The following OXR1 variants were observed in gnomAD, a reference collection of about 807,000 sequenced individuals.
The protein encoded by OXR1 is oxidation resistance 1.
In OXR1, 41 loss-of-function variants were observed where a neutral mutation model predicts 104.6. The observed-to-expected ratio is 0.39, with a 90% confidence interval of 0.31 to 0.51. OXR1 has a LOEUF of 0.51. Ranked by LOEUF, OXR1 falls within the 20% of genes least tolerant of loss-of-function variation. OXR1 has a pLI of 0.77. For synonymous variants in OXR1, 348 were observed against 348.4 expected (o/e 1.00, Z 0.01); for missense variants, 955 against 1,031.9 (o/e 0.93, Z 1.02).
intron 2 of OXR1, among the ~76,000 whole-genome samples, chr8:106,414,603 A>G (rs1376005196): frequency 6.6e-6 from 1 of 152,156 alleles, no homozygotes; most frequent in Non-Finnish European, 1.5e-5. Flanking sequence ...TTGGTAAAGC[A>G]TTGCTCATGT....
chr8:106,622,077 G>GAAAT (rs1261875891), intron 3 of OXR1, among the ~76,000 whole-genome samples: 1 of 152,008 alleles, frequency 6.6e-6, no homozygotes, highest in East Asian at 1.9e-4. Flanking sequence ...TCCATTAATG[G>GAAAT]AAGCATCATT....
intron 3 of OXR1, among the ~76,000 whole-genome samples, chr8:106,579,121 G>A (rs575117388): frequency 6.7e-6 from 1 of 149,502 alleles, no homozygotes; most frequent in Non-Finnish European, 1.5e-5. Flanking sequence ...GGACTATTTT[G>A]ATTATACCCT....
At chr8:106,483,424 C>T (rs903220982) in intron 2 of OXR1, among the ~76,000 whole-genome samples, 2 of 151,646 alleles carry the variant, frequency 1.3e-5, no homozygotes, top group Non-Finnish European at 2.9e-5. Flanking sequence ...TAACTGGGCT[C>T]GGTGGCATGT....
intron 2 of OXR1, among the ~76,000 whole-genome samples, chr8:106,493,401 A>G (rs1028664988): frequency 6.6e-6 from 1 of 152,066 alleles, no homozygotes; most frequent in Admixed American, 6.6e-5. Context: ...ACACTTTGTT[A>G]CCACCATAGC....
chr8:106,290,078 T>C (rs1812685859), intron 1 of OXR1, among the ~76,000 whole-genome samples: 1 of 152,170 alleles, frequency 6.6e-6, no homozygotes, highest in Non-Finnish European at 1.5e-5. Flanking sequence ...CAGGTATTTC[T>C]TCATAGCAGT....
intron 7 of OXR1, among the ~76,000 whole-genome samples, chr8:106,699,696 T>A (rs1830416937): frequency 6.6e-6 from 1 of 152,208 alleles, no homozygotes; most frequent in Non-Finnish European, 1.5e-5. Flanking sequence ...TTAGGAATGA[T>A]CTGCAGCCTA....
chr8:106,344,259 A>T (rs948525908), intron 1 of OXR1, among the ~76,000 whole-genome samples: 4 of 152,286 alleles, frequency 2.6e-5, no homozygotes, highest in African/African-American at 9.6e-5. Context: ...CCCACGAACT[A>T]CAGTTTCTCT....
intron 1 of OXR1, among the ~76,000 whole-genome samples, chr8:106,273,741 T>A (rs1811911458): frequency 6.6e-6 from 1 of 152,222 alleles, no homozygotes; most frequent in African/African-American, 2.4e-5. Flanking sequence ...AAACACTTGT[T>A]TTAAGGAAAT....
At chr8:106,646,192 G>A (rs1342107648) in intron 3 of OXR1, among the ~76,000 whole-genome samples, 2 of 150,618 alleles carry the variant, frequency 1.3e-5, no homozygotes, top group Non-Finnish European at 3.0e-5. Context: ...TGCAACCTCC[G>A]CCCCCCAAGT....
At position 106,411,024 on chromosome 8, in the gene OXR1, A is replaced by G. The variant is rs189967033; in HGVS notation, c.23+51388A>G. Among the ~76,000 whole-genome samples the G allele has an allele frequency of 2.0e-5, 3 of 152,236 alleles. No individual in the cohort carries two copies. The East Asian group carries it at 5.8e-4, about 29-fold the overall frequency. ...GTGCTGAGGTTATAACAGCAAATAA[A>G]CCCTGCAGTGTTTTTGCCCTGATGT... On this transcript the variant is annotated intron_variant, in intron 2 of 16. Coordinates refer to ENST00000517566, the MANE Select transcript of OXR1 (RefSeq NM_001198533.2).
intron 3 of OXR1, among the ~76,000 whole-genome samples, chr8:106,609,892 C>A (rs1233635876): frequency 6.6e-6 from 1 of 151,692 alleles, no homozygotes; most frequent in African/African-American, 2.4e-5. Context: ...AAACAGAAAG[C>A]AAATGGGATA....
intron 3 of OXR1, among the ~76,000 whole-genome samples, chr8:106,539,199 C>T (rs190897851): frequency 1.3e-3 from 193 of 152,238 alleles, no homozygotes; most frequent in Non-Finnish European, 2.0e-3. Flanking sequence ...AGTGAATAAG[C>T]CATTTAAACT....
At chr8:106,680,149 C>T (rs142095098) in intron 4 of OXR1, among the ~76,000 whole-genome samples, 7 of 151,848 alleles carry the variant, frequency 4.6e-5, no homozygotes, top group Middle Eastern at 3.4e-3. Flanking sequence ...TCATATATAG[C>T]GGACAGTGTG....
chr8:106,673,175 A>G (rs1268658898), intron 3 of OXR1, among the ~76,000 whole-genome samples: 1 of 152,204 alleles, frequency 6.6e-6, no homozygotes, highest in Non-Finnish European at 1.5e-5. Context: ...AATGGCTTTG[A>G]CCAAAATGCT....
chr8:106,324,713 A>G (rs1269738261), intron 1 of OXR1, among the ~76,000 whole-genome samples: 1 of 151,890 alleles, frequency 6.6e-6, no homozygotes, highest in Admixed American at 6.6e-5. Flanking sequence ...TTGAGTGCTT[A>G]CCCTGTGCCA....
chr8:106,661,872 A>G (rs1027063812), intron 3 of OXR1, among the ~76,000 whole-genome samples: 1 of 152,168 alleles, frequency 6.6e-6, no homozygotes, highest in Non-Finnish European at 1.5e-5. Context: ...TCCCATTCCA[A>G]GTTAGGTTGG....
chr8:106,443,550 T>C lies in OXR1; in HGVS notation c.24-75393T>C, dbSNP rs527632206. ...ATTATTGTGTGGGAGTCTAAGTCTC[T>C]TTATAGGTCTCTAAGAACTTGTTTT... is the stretch of plus-strand genomic sequence containing the variant. On this transcript the variant is annotated intron_variant, in intron 2 of 16. Coordinates refer to ENST00000517566, the MANE Select transcript of OXR1 (RefSeq NM_001198533.2). Among the ~76,000 whole-genome samples, 69 of 152,282 alleles carry C rather than the reference T, an allele frequency of 4.5e-4. 1 individual carries two copies. The highest frequency in any genetic ancestry group is 5.9e-5 in the Non-Finnish European group (4 of 68,006).
intron 3 of OXR1, among the ~76,000 whole-genome samples, chr8:106,658,342 C>A (rs957092812): frequency 6.6e-6 from 1 of 152,080 alleles, no homozygotes. Flanking sequence ...CCGCCGGGGG[C>A]GAGGAAGGAA....
chr8:106,519,707 TC>T (rs1256819261), intron 3 of OXR1, among the ~76,000 whole-genome samples: 1 of 152,160 alleles, frequency 6.6e-6, no homozygotes, highest in African/African-American at 2.4e-5. Flanking sequence ...TTGAATGACA[TC>T]CAGGCCCTTC....
Sources: allele counts gnomAD v4.1 joint callset (sites outside exome capture counted in the v4.1 genomes callset), GRCh38; gene constraint gnomAD v4.1.1; transcripts MANE v1.5; gene names NCBI Gene and HGNC (gene_info 2026-07-23, HGNC 2026-07-21).